PECR: variants seen among roughly 807,000 people sequenced by gnomAD.
The protein encoded by PECR is 2,4-dienoyl-CoA reductase-related protein.
In PECR, 30 loss-of-function variants were observed where a neutral mutation model predicts 35.3. That is an observed-to-expected ratio of 0.85 (90% CI 0.64 to 1.15). PECR has a LOEUF of 1.15. PECR is among the 50% of genes most tolerant of loss of function. The pLI, the probability that PECR is intolerant of heterozygous loss-of-function variation, is 0.00. For missense variants in PECR, 392 were observed against 370.8 expected (o/e 1.06, Z -0.47); for synonymous variants, 148 against 138.9 (o/e 1.07, Z -0.46).
intron 2 of PECR, 61 bp from the exon 3 acceptor site, chr2:216,065,538 G>A (rs536810372): frequency 5.3e-5 from 52 of 989,950 alleles, no homozygotes; most frequent in African/African-American, 9.5e-5. Context: ...TTGCTACCTC[G>A]CCTGATTGAT....
At chr2:216,052,636 T>G (rs1695138399) in intron 4 of PECR, among the ~76,000 whole-genome samples, 1 of 152,218 alleles carries the variant, frequency 6.6e-6, no homozygotes, top group Non-Finnish European at 1.5e-5. Flanking sequence ...AGACTTTCTC[T>G]TTAGCACTGG....
rs961453746 is a variant in PECR, at chr2:216,065,354, G to C, written c.382C>G (p.Leu128Val). 1.9e-6 allele frequency: 3 copies of C among 1,611,914 alleles called. No homozygotes were observed. The African/African-American group carries it at 4.0e-5, about 22-fold the overall frequency. ...AAGGTACCCGTCAGGTTGGTCTCAA[G>C]CACAGCGTGCCATCCCTTAGAACTG... ...HISSKGWHAV[L>V]ETNLTGTFYM... Residue 128 changes from leucine (L) to valine (V), a missense_variant, in exon 3 of 8, where the codon CTT (leucine) becomes GTT (valine). Coordinates refer to ENST00000265322, the MANE Select transcript of PECR (RefSeq NM_018441.6).
intron 7 of PECR, 54 bp downstream of exon 7, chr2:216,043,850 C>T (rs1694942302): frequency 2.2e-6 from 2 of 915,528 alleles, no homozygotes; most frequent in African/African-American, 3.2e-5. Flanking sequence ...AATTTTAAAC[C>T]CCTGAACATG....
At chr2:216,054,617 T>C (rs1164051745) in intron 4 of PECR, among the ~76,000 whole-genome samples, 2 of 151,068 alleles carry the variant, frequency 1.3e-5, no homozygotes, top group African/African-American at 4.9e-5. Flanking sequence ...ATTACAGGCG[T>C]GAGCCACTGC....
intron 7 of PECR, among the ~76,000 whole-genome samples, chr2:216,039,712 A>T (rs1036742193): frequency 2.0e-5 from 3 of 152,236 alleles, no homozygotes; most frequent in African/African-American, 7.2e-5. Context: ...ATCACAATTT[A>T]AAAATAGTGT....
At chr2:216,047,603 A>G (rs1336637233) in intron 6 of PECR, among the ~76,000 whole-genome samples, 1 of 152,164 alleles carries the variant, frequency 6.6e-6, no homozygotes, top group Non-Finnish European at 1.5e-5. Flanking sequence ...TATTTTTAAT[A>G]TGTTTCATTA....
At chr2:216,055,866 T>C (rs1011698781) in intron 4 of PECR, among the ~76,000 whole-genome samples, 3 of 152,138 alleles carry the variant, frequency 2.0e-5, no homozygotes, top group African/African-American at 7.2e-5. Context: ...AAAGAATTAT[T>C]TGTAGTTCCC....
At chr2:216,063,341 T>C (rs779816607) in intron 3 of PECR, among the ~76,000 whole-genome samples, 3 of 152,150 alleles carry the variant, frequency 2.0e-5, no homozygotes, top group African/African-American at 4.8e-5. Flanking sequence ...AAAATATGGC[T>C]GGGCACAGTG....
chr2:216,070,112 T>C (rs913062149), intron 1 of PECR, among the ~76,000 whole-genome samples: 2 of 152,202 alleles, frequency 1.3e-5, no homozygotes, highest in Admixed American at 6.5e-5. Context: ...ACTAATCGAA[T>C]GACTCGACAC....
chr2:216,033,167 T>C (rs1694736625), intron 7 of PECR, among the ~76,000 whole-genome samples: 1 of 152,204 alleles, frequency 6.6e-6, no homozygotes, highest in African/African-American at 2.4e-5. Context: ...GTATAATGTA[T>C]CTGCCACCCA....
intron 4 of PECR, among the ~76,000 whole-genome samples, chr2:216,054,137 T>G (rs1013323398): frequency 1.3e-5 from 2 of 151,436 alleles, no homozygotes; most frequent in East Asian, 3.9e-4. Flanking sequence ...ATACAAAAAT[T>G]TTAGCTGGGC....
At position 216,081,758 on chromosome 2, in the gene PECR, C is replaced by T. The variant is rs756235035; in HGVS notation, c.-17G>A. The stretch of plus-strand genomic sequence containing the variant: ...GGAGGCCATCCCTGCAGCGGGGTGC[C>T]AGAGCAGCTGAGCGCAGGCCCTTCT... On this transcript the variant is annotated 5_prime_UTR_variant, in exon 1 of 8. An upstream open reading frame in the 5' UTR gains an earlier in-frame stop. Transcript: ENST00000265322. 1 of 1,611,952 alleles carries T rather than the reference C, an allele frequency of 6.2e-7. No homozygotes were observed. The highest frequency in any genetic ancestry group is 8.5e-7 in the Non-Finnish European group (1 of 1,179,742).
Position 216,045,841 on chromosome 2 carries a change from T to C in PECR, c.715-1826A>G, listed in dbSNP as rs138163980. On this transcript the variant is annotated intron_variant, in intron 6 of 7. Coordinates refer to ENST00000265322, the MANE Select transcript of PECR (RefSeq NM_018441.6). ...CCAGACAACAACCATCCCACCCAAG[T>C]AGTCACAACCTCTAACAATCTGTAA... Among the ~76,000 whole-genome samples the C allele has an allele frequency of 1.2e-3, 182 of 152,298 alleles. 1 individual carries two copies. Among genetic ancestry groups the C allele is most frequent in the African/African-American group, 4.0e-3 (166 of 41,564 alleles).
In PECR at chr2:216,061,583, G is replaced by A. The variant is rs990099342; in HGVS notation, c.425-2607C>T. Among the ~76,000 whole-genome samples the A allele has an allele frequency of 1.2e-4, 19 of 152,020 alleles. 1 individual carries two copies. Among genetic ancestry groups the A allele is most frequent in the Middle Eastern group, 6.3e-3 (2 of 316 alleles). On this transcript the variant is annotated intron_variant, in intron 3 of 7. Coordinates refer to ENST00000265322, the MANE Select transcript of PECR (RefSeq NM_018441.6). Reference sequence around the variant, plus strand: ...AAGTATATATACCATATATGAAGGGGTCTTGCCAGAAATATTTAAGTGAAT... The same window carrying A: ...AAGTATATATACCATATATGAAGGGATCTTGCCAGAAATATTTAAGTGAAT...
chr2:216,042,195 G>A (rs1405318356), intron 7 of PECR, among the ~76,000 whole-genome samples: 1 of 152,316 alleles, frequency 6.6e-6, no homozygotes, highest in East Asian at 1.9e-4. Flanking sequence ...CTGAATGAGA[G>A]GACGCCCAGC....
intron 4 of PECR, chr2:216,057,911 G>C (rs1166821327): frequency 6.6e-6 from 1 of 152,178 alleles, no homozygotes; most frequent in East Asian, 1.9e-4. Flanking sequence ...TGACTTGAGA[G>C]GCACTCTCTC....
chr2:216,048,650 C>T lies in PECR; in HGVS notation c.714+613G>A, dbSNP rs182524358. ...GCTTGAACCCAGGAGGTGGAAGTTC[C>T]AGTGGGCCAAGATCGCGCCACTGCA... On this transcript the variant is annotated intron_variant, in intron 6 of 7. Transcript: ENST00000265322. Among the ~76,000 whole-genome samples the T allele has an allele frequency of 1.6e-3, 250 of 151,900 alleles. 1 individual carries two copies. The highest frequency in any genetic ancestry group is 5.7e-3 in the African/African-American group (235 of 41,434).
chr2:216,056,902 A>G (rs1695239309), intron 4 of PECR, among the ~76,000 whole-genome samples: 1 of 152,054 alleles, frequency 6.6e-6, no homozygotes, highest in South Asian at 2.1e-4. Context: ...CCACTGGAAA[A>G]GGAAACGATT....
chr2:216,034,363 G>A (rs929763101), downstream of PECR, among the ~76,000 whole-genome samples: 1 of 152,088 alleles, frequency 6.6e-6, no homozygotes, highest in Non-Finnish European at 1.5e-5. Context: ...CTTCCCCTCG[G>A]GCTGCTCCTG....
Sources: allele counts gnomAD v4.1 joint callset (sites outside exome capture counted in the v4.1 genomes callset), GRCh38; gene constraint gnomAD v4.1.1; transcripts MANE v1.5; gene names NCBI Gene and HGNC (gene_info 2026-07-23, HGNC 2026-07-21).